Variants in UBE4B observed in about 807,000 individuals in gnomAD.
UBE4B encodes the protein ubiquitination factor E4B, also known as ubiquitin conjugation factor E4 B.
UBE4B carries 27 observed loss-of-function variants against 148.1 expected under a neutral mutation model. The ratio of observed to expected loss-of-function variants is 0.18; its 90% CI spans 0.13 to 0.25. The LOEUF (loss-of-function observed/expected upper bound fraction) is 0.25. Ranked by LOEUF, UBE4B falls within the 10% of genes least tolerant of loss-of-function variation. UBE4B has a pLI of 1.00. For missense variants in UBE4B, 1,170 were observed against 1,662.4 expected (o/e 0.70, Z 5.15); for synonymous variants, 596 against 619.3 (o/e 0.96, Z 0.56).
At chr1:10,156,048 A>G (rs978747976) in intron 21 of UBE4B, among the ~76,000 whole-genome samples, 18 of 151,516 alleles carry the variant, frequency 1.2e-4, no homozygotes, top group Non-Finnish European at 2.4e-4. Context: ...AAAAAAAGAA[A>G]GAAGGCAGCA....
chr1:10,167,751 C>G (rs923175172), intron 23 of UBE4B, among the ~76,000 whole-genome samples: 1 of 152,022 alleles, frequency 6.6e-6, no homozygotes, highest in Admixed American at 6.6e-5. Flanking sequence ...CACCACCACC[C>G]CCAGCTAATT....
intron 2 of UBE4B, among the ~76,000 whole-genome samples, chr1:10,090,793 TTGTGTGTGTGTG>T (rs57486350): frequency 1.9e-4 from 27 of 141,404 alleles, no homozygotes; most frequent in East Asian, 6.2e-4. Context: ...GCCTATGCAT[TTGTGTGTGTGTG>T]TGTGTGTGTG....
At chr1:10,172,522 C>T (rs1272436849) in intron 25 of UBE4B, among the ~76,000 whole-genome samples, 1 of 152,186 alleles carries the variant, frequency 6.6e-6, no homozygotes, top group Non-Finnish European at 1.5e-5. Context: ...AGTCTCTCTG[C>T]TGTCCACTTA....
intron 1 of UBE4B, among the ~76,000 whole-genome samples, chr1:10,039,464 C>G (rs985191889): frequency 6.6e-6 from 1 of 152,040 alleles, no homozygotes; most frequent in East Asian, 1.9e-4. Flanking sequence ...GAATCTCTCT[C>G]TGTTGCCCAG....
At chr1:10,175,643 TC>T (rs1646417248) in intron 25 of UBE4B, among the ~76,000 whole-genome samples, 1 of 151,340 alleles carries the variant, frequency 6.6e-6, no homozygotes, top group Non-Finnish European at 1.5e-5. Context: ...AGAGCGAGAC[TC>T]CGTCTCAAAT....
chr1:10,164,934 G>T (rs1440640834), intron 23 of UBE4B, among the ~76,000 whole-genome samples: 1 of 152,082 alleles, frequency 6.6e-6, no homozygotes, highest in Non-Finnish European at 1.5e-5. Flanking sequence ...TAGGATCTCT[G>T]TTTCCTGCCA....
At chr1:10,178,475 T>A (rs1028141930) in intron 25 of UBE4B, among the ~76,000 whole-genome samples, 169 bp from the exon 26 acceptor site, 6 of 152,184 alleles carry the variant, frequency 3.9e-5, no homozygotes, top group Non-Finnish European at 8.8e-5. Flanking sequence ...TTTATGAGGC[T>A]ATAAATGCAT....
intron 1 of UBE4B, among the ~76,000 whole-genome samples, chr1:10,056,301 GA>G (rs1354146352): frequency 6.6e-6 from 1 of 152,190 alleles, no homozygotes; most frequent in Non-Finnish European, 1.5e-5. Context: ...ACACAAAGGG[GA>G]AACTGAGCCT....
At chr1:10,110,923 G>A (rs548807054) in intron 7 of UBE4B, among the ~76,000 whole-genome samples, 6 of 152,042 alleles carry the variant, frequency 3.9e-5, no homozygotes, top group Admixed American at 1.3e-4. Flanking sequence ...CTGAGCCCAC[G>A]AGTTAGAGGC....
At chr1:10,092,350 G>A (rs571734677) in intron 2 of UBE4B, among the ~76,000 whole-genome samples, 2 of 151,972 alleles carry the variant, frequency 1.3e-5, no homozygotes, top group East Asian at 2.0e-4. Context: ...TCAGATTCCC[G>A]AGTAGCTGGG....
intron 17 of UBE4B, among the ~76,000 whole-genome samples, chr1:10,142,086 C>T (rs1454843928): frequency 6.6e-6 from 1 of 151,826 alleles, no homozygotes; most frequent in East Asian, 1.9e-4. Context: ...TTAGAGGTAG[C>T]CACTCCACAT....
At chr1:10,039,958 A>G (rs564925692) in intron 1 of UBE4B, among the ~76,000 whole-genome samples, 29 of 152,160 alleles carry the variant, frequency 1.9e-4, no homozygotes, top group Admixed American at 7.9e-4. Context: ...AAAAATACCA[A>G]GGACTGTGAT....
chr1:10,052,066 G>A (rs1644057427), intron 1 of UBE4B, among the ~76,000 whole-genome samples: 1 of 151,356 alleles, frequency 6.6e-6, no homozygotes, highest in South Asian at 2.1e-4. Context: ...GTCTAATAGT[G>A]TCATTTTTTT....
At position 10,123,502 on chromosome 1, in the gene UBE4B, G is replaced by A. The variant is rs535592653; in HGVS notation, c.1554+1426G>A. Among the ~76,000 whole-genome samples, 12 of 151,834 alleles carry A rather than the reference G, an allele frequency of 7.9e-5. 1 individual carries two copies. Among genetic ancestry groups the A allele is most frequent in the African/African-American group, 2.9e-4 (12 of 41,410 alleles). On this transcript the variant is annotated intron_variant, in intron 10 of 27. Coordinates refer to ENST00000343090, the MANE Select transcript of UBE4B (RefSeq NM_001105562.3). ...GATGCACTACATTAAAGAGGTAATGGGTAGTAATTAGAATACTTTTCCTAT... is the reference window on the plus strand; with the variant it reads ...GATGCACTACATTAAAGAGGTAATGAGTAGTAATTAGAATACTTTTCCTAT...
rs1646491256 is a variant in UBE4B at position 10,180,565 on chromosome 1, A to C, written c.*609A>C. On this transcript the variant is annotated 3_prime_UTR_variant, in exon 28 of 28. Coordinates refer to ENST00000343090, the MANE Select transcript of UBE4B (RefSeq NM_001105562.3). ...CATATTTGTTTTTTTAATTGGTGTT[A>C]GATGACATGATTAATAAAAAAGGCA... 1 of 152,570 alleles carries C rather than the reference A, an allele frequency of 6.6e-6. No homozygotes were observed. The highest frequency in any genetic ancestry group is 1.5e-5 in the Non-Finnish European group (1 of 68,038). 9.5% of individuals were successfully genotyped at this position (152,570 alleles called of 1,614,324 possible). A position where few individuals can be genotyped will look rare whatever the true frequency, so the allele number is the denominator to read the frequency against.
chr1:10,103,983 A>G (rs1362349548), intron 5 of UBE4B, among the ~76,000 whole-genome samples: 1 of 151,568 alleles, frequency 6.6e-6, no homozygotes, highest in Non-Finnish European at 1.5e-5. Context: ...GATGGTCTCG[A>G]TCTCTTGACC....
chr1:10,046,555 C>T (rs1423542278), intron 1 of UBE4B, among the ~76,000 whole-genome samples: 2 of 152,144 alleles, frequency 1.3e-5, no homozygotes, highest in Non-Finnish European at 2.9e-5. Flanking sequence ...GCTGTGAGCG[C>T]TTCCTCCCCT....
intron 1 of UBE4B, among the ~76,000 whole-genome samples, chr1:10,065,834 T>C (rs1039562261): frequency 3.3e-5 from 5 of 152,230 alleles, no homozygotes; most frequent in Admixed American, 3.3e-4. Context: ...TAATTTGCAC[T>C]AATAATAATG....
intron 2 of UBE4B, among the ~76,000 whole-genome samples, chr1:10,082,864 T>C (rs1051111261): frequency 1.3e-5 from 2 of 148,410 alleles, no homozygotes; most frequent in African/African-American, 2.5e-5. Context: ...TGTGTCCCTG[T>C]GTTCTCATTG....
Sources: gnomAD v4.1 joint callset for allele counts (sites outside exome capture counted in the v4.1 genomes callset) on GRCh38, gnomAD v4.1.1 for gene constraint, MANE v1.5 for transcripts, NCBI Gene and HGNC (gene_info 2026-07-23, HGNC 2026-07-21) for gene names.